Variants in DLG2 observed in about 807,000 individuals in gnomAD.
DLG2 encodes disks large homolog 2.
DLG2 carries 45 observed loss-of-function variants against 132.5 expected under a neutral mutation model. That is an observed-to-expected ratio of 0.34 (90% CI 0.27 to 0.44). DLG2 has a LOEUF of 0.44. Ranked by LOEUF, DLG2 falls within the 20% of genes least tolerant of loss-of-function variation. The probability of loss-of-function intolerance (pLI) is 1.00; values close to 1 mark genes in which losing one functional copy is unlikely to be tolerated. For synonymous variants in DLG2, 424 were observed against 419.6 expected (o/e 1.01, Z -0.13); for missense variants, 1,045 against 1,196.9 (o/e 0.87, Z 1.87).
At position 84,362,755 on chromosome 11, in the gene DLG2, C is replaced by T. The variant is rs951330129; in HGVS notation, c.520-111464G>A. 1.3e-4 allele frequency among the ~76,000 whole-genome samples: 20 copies of T among 151,934 alleles called. 1 individual carries two copies. The South Asian group carries it at 2.5e-3, about 19-fold the overall frequency. ...ATTCCCACCTATGAGTGAGAATGTG[C>T]GGTGTTTGGTTTTTTGTTCTTGCGA... On this transcript the variant is annotated intron_variant, in intron 7 of 27. Coordinates refer to ENST00000376104, the MANE Select transcript of DLG2 (RefSeq NM_001142699.3).
chr11:84,327,360 GT>G (rs1341537551), intron 7 of DLG2, among the ~76,000 whole-genome samples: 2 of 152,124 alleles, frequency 1.3e-5, no homozygotes, highest in African/African-American at 4.8e-5. Context: ...TGGGATTGCA[GT>G]TGTGAGACAC....
At chr11:85,585,245 T>G (rs538125604) in intron 3 of DLG2, among the ~76,000 whole-genome samples, 1 of 152,326 alleles carries the variant, frequency 6.6e-6, no homozygotes, top group South Asian at 2.1e-4. Context: ...CCAGAACCAT[T>G]TGTTGAATAG....
At chr11:83,489,196 C>A (rs555199534) in intron 21 of DLG2, among the ~76,000 whole-genome samples, 2 of 152,036 alleles carry the variant, frequency 1.3e-5, no homozygotes, top group South Asian at 4.1e-4. Flanking sequence ...AAAACTCCCT[C>A]AAATGAATCA....
At chr11:85,430,736 G>A (rs2091120179) in intron 3 of DLG2, among the ~76,000 whole-genome samples, 1 of 151,784 alleles carries the variant, frequency 6.6e-6, no homozygotes, top group South Asian at 2.1e-4. Flanking sequence ...TTTCACAGAT[G>A]CAACTGAAGC....
At chr11:83,633,043 T>C (rs2063844797) in intron 19 of DLG2, 168 bp downstream of exon 19, 2 of 595,402 alleles carry the variant, frequency 3.4e-6, no homozygotes, top group African/African-American at 1.9e-5. Context: ...TTTAATCTAA[T>C]AACATTTCAA....
intron 3 of DLG2, among the ~76,000 whole-genome samples, chr11:85,312,488 T>C (rs1049837717): frequency 7.9e-5 from 12 of 151,696 alleles, no homozygotes; most frequent in South Asian, 4.1e-4. Flanking sequence ...TTCTTTGAGA[T>C]GTTATAAATT....
chr11:84,239,968 T>A (rs1208395943), intron 8 of DLG2, among the ~76,000 whole-genome samples: 1 of 152,214 alleles, frequency 6.6e-6, no homozygotes, highest in Non-Finnish European at 1.5e-5. Context: ...AATAACGGGA[T>A]CCCTCACTTT....
intron 3 of DLG2, among the ~76,000 whole-genome samples, chr11:85,509,235 A>C (rs2094002974): frequency 6.6e-6 from 1 of 152,080 alleles, no homozygotes; most frequent in Non-Finnish European, 1.5e-5. Context: ...ACAGAAACCA[A>C]GAGTTTTTCT....
intron 6 of DLG2, among the ~76,000 whole-genome samples, chr11:84,869,261 T>G (rs1330048508): frequency 6.6e-6 from 1 of 152,210 alleles, no homozygotes; most frequent in African/African-American, 2.4e-5. Flanking sequence ...CTGAGTGATC[T>G]GTGGTGCCAT....
At chr11:83,982,563 T>C (rs2092891342) in intron 11 of DLG2, among the ~76,000 whole-genome samples, 1 of 151,838 alleles carries the variant, frequency 6.6e-6, no homozygotes, top group Non-Finnish European at 1.5e-5. Flanking sequence ...AATATGTTTG[T>C]TTTAAGCTAA....
intron 19 of DLG2, among the ~76,000 whole-genome samples, chr11:83,578,625 T>C (rs925431195): frequency 5.3e-5 from 8 of 152,106 alleles, no homozygotes; most frequent in Admixed American, 1.3e-4. Context: ...TGCATTAATA[T>C]ATAAAAAAAG....
intron 6 of DLG2, among the ~76,000 whole-genome samples, chr11:84,752,458 T>C (rs1030401127): frequency 2.6e-5 from 4 of 152,106 alleles, no homozygotes; most frequent in African/African-American, 9.7e-5. Flanking sequence ...AGGATGTATG[T>C]GGACTATTTT....
chr11:84,842,667 T>C (rs965719509), intron 6 of DLG2, among the ~76,000 whole-genome samples: 2 of 151,962 alleles, frequency 1.3e-5, no homozygotes, highest in Non-Finnish European at 2.9e-5. Context: ...ACAGAAAGGT[T>C]GTGCGTAGTA....
intron 3 of DLG2, among the ~76,000 whole-genome samples, chr11:85,569,336 CT>C (rs1204226883): frequency 6.6e-6 from 1 of 152,072 alleles, no homozygotes; most frequent in Non-Finnish European, 1.5e-5. Flanking sequence ...CCAGCCTCTT[CT>C]TTCTTAATGT....
chr11:85,351,293 G>C (rs2083269381), intron 3 of DLG2, among the ~76,000 whole-genome samples: 2 of 152,164 alleles, frequency 1.3e-5, no homozygotes, highest in African/African-American at 4.8e-5. Context: ...CTGCTTATCA[G>C]CTTAAGGAGA....
intron 7 of DLG2, among the ~76,000 whole-genome samples, chr11:84,319,463 G>A (rs1455673512): frequency 6.6e-6 from 1 of 152,068 alleles, no homozygotes; most frequent in African/African-American, 2.4e-5. Flanking sequence ...ATTGCACAAG[G>A]GCCCATTGGC....
chr11:84,621,061 A>G (rs1216489435), intron 6 of DLG2, among the ~76,000 whole-genome samples: 2 of 152,130 alleles, frequency 1.3e-5, no homozygotes, highest in Admixed American at 1.3e-4. Context: ...GCATTAATAA[A>G]TGAGAAAAGC....
intron 10 of DLG2, among the ~76,000 whole-genome samples, chr11:84,059,759 G>A (rs534560211): frequency 9.2e-5 from 14 of 152,070 alleles, no homozygotes; most frequent in East Asian, 3.9e-4. Flanking sequence ...TTACACATAC[G>A]GCATAGTTAG....
intron 18 of DLG2, among the ~76,000 whole-genome samples, chr11:83,730,219 C>T (rs7104950): frequency 0.33 from 46,218 of 140,726 alleles, 9,262 homozygotes; most frequent in African/African-American, 0.59. Context: ...ACTGTTTCAT[C>T]TGCTATAATT....
Sources: gnomAD v4.1 joint callset for allele counts (sites outside exome capture counted in the v4.1 genomes callset) on GRCh38, gnomAD v4.1.1 for gene constraint, MANE v1.5 for transcripts, NCBI Gene and HGNC (gene_info 2026-07-23, HGNC 2026-07-21) for gene names.